Variants in RIT2 observed in about 807,000 individuals in gnomAD.
RIT2 encodes GTP-binding protein Rit2.
RIT2 carries 24 observed loss-of-function variants against 23.7 expected under a neutral mutation model. The observed-to-expected ratio is 1.01, with a 90% CI of 0.73 to 1.43. RIT2 has a LOEUF of 1.43. RIT2 is among the 40% of genes most tolerant of loss of function. RIT2 has a pLI of 0.00. For synonymous variants in RIT2, 107 were observed against 91.1 expected (o/e 1.17, Z -0.99); for missense variants, 236 against 266.9 (o/e 0.88, Z 0.81).
chr18:43,026,478 C>A (rs553643778), intron 2 of RIT2, among the ~76,000 whole-genome samples: 2 of 150,908 alleles, frequency 1.3e-5, no homozygotes, highest in African/African-American at 4.9e-5. Context: ...CACTTGAACC[C>A]GGGAGGCAGA....
chr18:42,828,337 T>C (rs112388966), intron 4 of RIT2, among the ~76,000 whole-genome samples: 4 of 152,364 alleles, frequency 2.6e-5, no homozygotes, highest in African/African-American at 9.6e-5. Context: ...AACAATAGAA[T>C]ATTTCATTGT....
At chr18:42,975,173 T>A (rs554960427) in intron 2 of RIT2, among the ~76,000 whole-genome samples, 45 of 152,228 alleles carry the variant, frequency 3.0e-4, no homozygotes, top group South Asian at 1.7e-3. Flanking sequence ...TGAGATGGTA[T>A]CTCATTGTGT....
At position 43,075,601 on chromosome 18, in the gene RIT2, A is replaced by G. The variant is rs545977275; in HGVS notation, c.103+39816T>C. ...CTTAAAACACAAAATTTAAAGTATGAAGTTCCTGTGATTTTTTCTTAAATA... is the reference window on the plus strand; with the variant it reads ...CTTAAAACACAAAATTTAAAGTATGGAGTTCCTGTGATTTTTTCTTAAATA... On this transcript the variant is annotated intron_variant, in intron 1 of 4. Transcript: ENST00000326695. Among the ~76,000 whole-genome samples the G allele has an allele frequency of 2.6e-5, 4 of 152,274 alleles. No individual in the cohort carries two copies. In the South Asian group the frequency reaches 8.3e-4, roughly 32 times the overall value.
At chr18:42,987,252 G>C (rs778645978) in intron 2 of RIT2, among the ~76,000 whole-genome samples, 3 of 152,060 alleles carry the variant, frequency 2.0e-5, no homozygotes, top group Non-Finnish European at 4.4e-5. Flanking sequence ...TTTGATTTTA[G>C]ACTTGACCAT....
At chr18:43,004,562 C>A (rs1486605987) in intron 2 of RIT2, among the ~76,000 whole-genome samples, 1 of 151,812 alleles carries the variant, frequency 6.6e-6, no homozygotes, top group Non-Finnish European at 1.5e-5. Context: ...CTCCAGTGTG[C>A]CCGACACTTT....
chr18:42,940,681 T>C (rs898113220), intron 3 of RIT2, among the ~76,000 whole-genome samples: 4 of 152,120 alleles, frequency 2.6e-5, no homozygotes, highest in Non-Finnish European at 4.4e-5. Flanking sequence ...CATTTTATTT[T>C]TTAAAAAGAA....
intron 3 of RIT2, among the ~76,000 whole-genome samples, chr18:42,946,233 C>T (rs538136369): frequency 3.9e-5 from 6 of 152,170 alleles, no homozygotes; most frequent in East Asian, 1.9e-4. Flanking sequence ...TTAATGTAGG[C>T]CAGTGGTTCA....
chr18:42,978,790 A>C (rs1910530653), intron 2 of RIT2, among the ~76,000 whole-genome samples: 1 of 152,184 alleles, frequency 6.6e-6, no homozygotes, highest in African/African-American at 2.4e-5. Flanking sequence ...CATAAGAAGA[A>C]ATCACTAAAG....
chr18:43,094,441 T>C (rs1261197562), intron 1 of RIT2, among the ~76,000 whole-genome samples: 1 of 152,016 alleles, frequency 6.6e-6, no homozygotes, highest in African/African-American at 2.4e-5. Flanking sequence ...TCATGGATTG[T>C]TAATTACTTT....
At chr18:42,901,759 A>C (rs1164571653) in intron 4 of RIT2, among the ~76,000 whole-genome samples, 1 of 152,024 alleles carries the variant, frequency 6.6e-6, no homozygotes, top group Non-Finnish European at 1.5e-5. Flanking sequence ...ATGTAGGAGA[A>C]TATACAAGTT....
chr18:42,807,014 C>T (rs549109577), intron 4 of RIT2, among the ~76,000 whole-genome samples: 15 of 152,216 alleles, frequency 9.9e-5, no homozygotes, highest in East Asian at 3.9e-4. Flanking sequence ...ATGAAGGGTG[C>T]GTGGCTTTAA....
At chr18:43,095,809 A>T (rs1913538569) in intron 1 of RIT2, among the ~76,000 whole-genome samples, 1 of 151,978 alleles carries the variant, frequency 6.6e-6, no homozygotes, top group South Asian at 2.1e-4. Context: ...TAACACTATT[A>T]TATCTGGAAA....
intron 2 of RIT2, among the ~76,000 whole-genome samples, chr18:43,002,869 T>G (rs890428294): frequency 2.0e-5 from 3 of 151,964 alleles, no homozygotes; most frequent in South Asian, 2.1e-4. Context: ...GAGAGATTAT[T>G]CAGGATTATC....
chr18:43,084,565 A>G lies in RIT2; in HGVS notation c.103+30852T>C, dbSNP rs531263055. Among the ~76,000 whole-genome samples the G allele has an allele frequency of 5.3e-5, 8 of 152,346 alleles. 1 individual carries two copies. The highest frequency in any genetic ancestry group is 1.9e-4 in the East Asian group (1 of 5,180). On this transcript the variant is annotated intron_variant, in intron 1 of 4. Coordinates refer to ENST00000326695, the MANE Select transcript of RIT2 (RefSeq NM_002930.4). ...GAAAACTATGCAGCCATAAAAAATG[A>G]GTTCATGTCCTTTGCAGGGAGATGG...
At chr18:42,975,024 T>C (rs1053198314) in intron 2 of RIT2, among the ~76,000 whole-genome samples, 2 of 152,074 alleles carry the variant, frequency 1.3e-5, no homozygotes, top group Non-Finnish European at 2.9e-5. Context: ...TTTTGTTATT[T>C]GAGAAATTAC....
At chr18:42,879,328 G>A (rs1907828229) in intron 4 of RIT2, among the ~76,000 whole-genome samples, 1 of 152,088 alleles carries the variant, frequency 6.6e-6, no homozygotes, top group South Asian at 2.1e-4. Context: ...AAAAGGTACA[G>A]GGATGAAGTA....
At chr18:43,001,058 T>A (rs1366162160) in intron 2 of RIT2, among the ~76,000 whole-genome samples, 1 of 152,102 alleles carries the variant, frequency 6.6e-6, no homozygotes, top group Non-Finnish European at 1.5e-5. Context: ...TTCATTCTAT[T>A]TCATTTCATT....
At chr18:42,904,828 G>A (rs564462092) in intron 4 of RIT2, among the ~76,000 whole-genome samples, 29 of 152,176 alleles carry the variant, frequency 1.9e-4, no homozygotes, top group Middle Eastern at 3.4e-3. Flanking sequence ...AGAACGGGGC[G>A]TCAAAAGAAC....
chr18:42,811,475 C>T (rs1390879995), intron 4 of RIT2, among the ~76,000 whole-genome samples: 3 of 151,980 alleles, frequency 2.0e-5, no homozygotes, highest in Non-Finnish European at 4.4e-5. Flanking sequence ...AGGAAAGTCT[C>T]CAAGATTGTA....
Sources: gnomAD v4.1 joint callset for allele counts (sites outside exome capture counted in the v4.1 genomes callset) on GRCh38, gnomAD v4.1.1 for gene constraint, MANE v1.5 for transcripts, NCBI Gene and HGNC (gene_info 2026-07-23, HGNC 2026-07-21) for gene names.